P2RY6: variants seen among roughly 807,000 people sequenced by gnomAD.
The protein encoded by P2RY6 is P2Y purinoceptor 6.
In P2RY6, 19 loss-of-function variants were observed where a neutral mutation model predicts 16.3. That is an observed-to-expected ratio of 1.16 (90% CI 0.81 to 1.71). The LOEUF (loss-of-function observed/expected upper bound fraction) is 1.71. Ranked by LOEUF, P2RY6 falls within the 40% of genes most tolerant of loss-of-function variation. The probability of loss-of-function intolerance (pLI) is 0.00; values close to 1 mark genes in which losing one functional copy is unlikely to be tolerated. For missense variants in P2RY6, 389 were observed against 455.5 expected, an observed-to-expected ratio of 0.85 and a Z score of 1.33; for synonymous variants, 184 against 201.5, an observed-to-expected ratio of 0.91 and a Z score of 0.74.
In P2RY6 at chr11:73,278,814, T is replaced by C. The variant is rs1396443663; in HGVS notation, c.-121+6348T>C. ...TCTACCTTTGGGCTATTGTGAATAATGCTGCTATGAACATTGATGTATAAA... is the reference window on the plus strand; with the variant it reads ...TCTACCTTTGGGCTATTGTGAATAACGCTGCTATGAACATTGATGTATAAA... On this transcript the variant is annotated intron_variant, in intron 1 of 2. Transcript: ENST00000540124. Among the ~76,000 whole-genome samples, 6 of 152,362 alleles carry C rather than the reference T, an allele frequency of 3.9e-5. No homozygotes were observed. In the South Asian group the frequency reaches 1.0e-3, roughly 26 times the overall value.
intron 1 of P2RY6, among the ~76,000 whole-genome samples, chr11:73,281,259 C>T (rs1863750729): frequency 6.6e-6 from 1 of 152,226 alleles, no homozygotes; most frequent in African/African-American, 2.4e-5. Context: ...TGCCCTGGTA[C>T]AGTCCAGGTC....
intron 1 of P2RY6, among the ~76,000 whole-genome samples, chr11:73,266,204 C>T (rs757339642): frequency 3.3e-5 from 5 of 152,156 alleles, no homozygotes; most frequent in Admixed American, 6.5e-5. Flanking sequence ...TTGTTGAATT[C>T]TCAGTGACCA....
chr11:73,277,456 G>A (rs942741194), intron 1 of P2RY6, among the ~76,000 whole-genome samples: 3 of 152,142 alleles, frequency 2.0e-5, no homozygotes, highest in African/African-American at 4.8e-5. Flanking sequence ...AGTGGGAAGG[G>A]CCTGTAATTT....
chr11:73,283,627 G>A (rs1863850400), intron 1 of P2RY6, among the ~76,000 whole-genome samples: 1 of 152,228 alleles, frequency 6.6e-6, no homozygotes, highest in Non-Finnish European at 1.5e-5. Context: ...TGGCTCCTTG[G>A]TTCCATCTTG....
intron 2 of P2RY6, 76 bp from the exon 3 acceptor site, chr11:73,296,409 C>T: frequency 7.4e-7 from 1 of 1,346,344 alleles, no homozygotes; most frequent in Non-Finnish European, 1.0e-6. Context: ...ACAGGGAGAT[C>T]AAGGCCCGAG....
chr11:73,283,518 G>A (rs941923125), intron 1 of P2RY6, among the ~76,000 whole-genome samples: 5 of 152,174 alleles, frequency 3.3e-5, no homozygotes, highest in Non-Finnish European at 5.9e-5. Context: ...GCTCAGGGAC[G>A]TCAAGCCCAG....
intron 1 of P2RY6, among the ~76,000 whole-genome samples, chr11:73,290,049 C>T (rs1226747987): frequency 6.6e-6 from 1 of 151,996 alleles, no homozygotes; most frequent in East Asian, 1.9e-4. Flanking sequence ...TGGAGAAGCC[C>T]CATCTGTACT....
rs986620808 is a variant in P2RY6, at chr11:73,272,356, T to A, written c.-231T>A. ...CCTCTCCAGACTTCTGCCAGAACAT[T>A]GCACGCGACAGTTTCAGGCACAGAA... On this transcript the variant is annotated 5_prime_UTR_variant, in exon 1 of 3. Coordinates refer to ENST00000540124, the MANE Select transcript of P2RY6 (RefSeq NM_001277204.2). 4 of 985,422 alleles carry A rather than the reference T, an allele frequency of 4.1e-6. No homozygotes were observed. Among genetic ancestry groups the A allele is most frequent in the Non-Finnish European group, 4.8e-6 (4 of 829,998 alleles). 61.0% of individuals were successfully genotyped at this position (985,422 alleles called of 1,614,324 possible). A position where few individuals can be genotyped will look rare whatever the true frequency, so the allele number is the denominator to read the frequency against.
At chr11:73,292,317 T>C (rs1306607584) in intron 1 of P2RY6, among the ~76,000 whole-genome samples, 4 of 151,866 alleles carry the variant, frequency 2.6e-5, no homozygotes, top group Non-Finnish European at 5.9e-5. Context: ...GGCGGCTGAG[T>C]AAGTTTGTAC....
chr11:73,292,430 G>A (rs996138223), intron 1 of P2RY6, among the ~76,000 whole-genome samples: 3 of 152,226 alleles, frequency 2.0e-5, no homozygotes, highest in Non-Finnish European at 4.4e-5. Flanking sequence ...TGGCTGGGAG[G>A]AGGAATGGAC....
intron 1 of P2RY6, among the ~76,000 whole-genome samples, chr11:73,295,454 T>G (rs756013825): frequency 6.6e-6 from 1 of 152,198 alleles, no homozygotes; most frequent in Admixed American, 6.5e-5. Flanking sequence ...CACTAAGCTG[T>G]CTCTTCTGGA....
At chr11:73,288,183 C>T (rs1386087856) in intron 1 of P2RY6, among the ~76,000 whole-genome samples, 1 of 152,186 alleles carries the variant, frequency 6.6e-6, no homozygotes, top group Non-Finnish European at 1.5e-5. Context: ...ATCGTTAGTG[C>T]TCAATGAATA....
At chr11:73,290,354 A>AGAAAGAAAGAAAGAAG (rs1864184693) in intron 1 of P2RY6, among the ~76,000 whole-genome samples, 37 of 121,942 alleles carry the variant, frequency 3.0e-4, no homozygotes, top group African/African-American at 1.1e-3. Context: ...AAAGAAAGAA[A>AGAAAGAAAGAAAGAAG]GAAAGAAAGA....
chr11:73,287,841 T>C (rs1056075033), intron 1 of P2RY6, among the ~76,000 whole-genome samples: 2 of 152,190 alleles, frequency 1.3e-5, no homozygotes, highest in Non-Finnish European at 2.9e-5. Context: ...CCTGGAGCAC[T>C]GGGTGGGAGG....
chr11:73,288,846 G>A (rs976599549), intron 1 of P2RY6, among the ~76,000 whole-genome samples: 3 of 152,238 alleles, frequency 2.0e-5, no homozygotes, highest in Non-Finnish European at 4.4e-5. Context: ...TCAGGGGAAG[G>A]AAGCGAACTC....
chr11:73,278,450 C>T (rs1420473213), intron 1 of P2RY6, among the ~76,000 whole-genome samples: 1 of 152,210 alleles, frequency 6.6e-6, no homozygotes, highest in African/African-American at 2.4e-5. Context: ...AGGCATGAGC[C>T]ACCGTGCCCA....
intron 1 of P2RY6, among the ~76,000 whole-genome samples, chr11:73,274,824 G>A (rs528128598): frequency 1.3e-5 from 2 of 152,328 alleles, no homozygotes; most frequent in Admixed American, 1.3e-4. Flanking sequence ...GAAGCTGGGT[G>A]CAACAGCCCA....
chr11:73,289,120 T>C (rs1013199732), intron 1 of P2RY6, among the ~76,000 whole-genome samples: 1 of 152,214 alleles, frequency 6.6e-6, no homozygotes, highest in Non-Finnish European at 1.5e-5. Flanking sequence ...TGGGGTCATG[T>C]AAAGTTTATC....
chr11:73,284,264 G>A (rs1301875526), intron 1 of P2RY6, among the ~76,000 whole-genome samples: 1 of 152,146 alleles, frequency 6.6e-6, no homozygotes, highest in Non-Finnish European at 1.5e-5. Flanking sequence ...AGTGCAGGAT[G>A]GAGCAGTCTG....
Sources: gnomAD v4.1 joint callset for allele counts (sites outside exome capture counted in the v4.1 genomes callset) on GRCh38, gnomAD v4.1.1 for gene constraint, MANE v1.5 for transcripts, NCBI Gene and HGNC (gene_info 2026-07-23, HGNC 2026-07-21) for gene names.